The following CLEC16A variants were observed in gnomAD, a reference collection of about 807,000 sequenced individuals.
CLEC16A encodes the protein protein CLEC16A.
Under a neutral mutation model 109.5 loss-of-function variants are expected in CLEC16A, and 51 were observed. That is an observed-to-expected ratio of 0.47 (90% CI 0.37 to 0.59). The LOEUF is 0.59. Ranked by LOEUF, CLEC16A falls within the 20% of genes least tolerant of loss-of-function variation. The probability of loss-of-function intolerance (pLI) is 0.00; values close to 1 mark genes in which losing one functional copy is unlikely to be tolerated. For missense variants in CLEC16A, 1,339 were observed against 1,394.0 expected, an observed-to-expected ratio of 0.96 and a Z score of 0.63; for synonymous variants, 673 against 564.2, an observed-to-expected ratio of 1.19 and a Z score of -2.73.
chr16:11,164,202 A>G (rs2054824382), intron 22 of CLEC16A, among the ~76,000 whole-genome samples: 1 of 152,044 alleles, frequency 6.6e-6, no homozygotes, highest in Admixed American at 6.6e-5. Context: ...AATACCCTCC[A>G]CGCAAGAGGA....
chr16:11,131,794 C>T (rs954445040), intron 22 of CLEC16A, among the ~76,000 whole-genome samples: 2 of 152,208 alleles, frequency 1.3e-5, no homozygotes, highest in African/African-American at 4.8e-5. Flanking sequence ...CTGGCCCCTG[C>T]CCTCTTCTGG....
In CLEC16A at chr16:11,079,120, C is replaced by A. The variant is rs551108489; in HGVS notation, c.2116+18098C>A. Among the ~76,000 whole-genome samples, 6 of 152,324 alleles carry A rather than the reference C, an allele frequency of 3.9e-5. No homozygotes were observed. In the East Asian group the frequency reaches 1.2e-3, roughly 29 times the overall value. ...TGCTCAGAAGGTAGCTGAACCCATT[C>A]TGTGCTTGGCCTTGTGTATAATCAC... On this transcript the variant is annotated intron_variant, in intron 19 of 23. Transcript: ENST00000409790.
At chr16:10,997,966 G>C (rs2044427493) in intron 10 of CLEC16A, among the ~76,000 whole-genome samples, 1 of 152,210 alleles carries the variant, frequency 6.6e-6, no homozygotes, top group African/African-American at 2.4e-5. Flanking sequence ...GAACATGTTT[G>C]TTTGACATCT....
chr16:11,016,344 CTTTTTTTTTCT>C (rs1012572199), intron 11 of CLEC16A, among the ~76,000 whole-genome samples: 17 of 109,054 alleles, frequency 1.6e-4, no homozygotes, highest in African/African-American at 2.7e-4. Flanking sequence ...TCTTTTTTTT[CTTTTTTTTTCT>C]TTTTTTTTTT....
At chr16:11,033,417 C>T (rs971113074) in intron 13 of CLEC16A, among the ~76,000 whole-genome samples, 6 of 152,106 alleles carry the variant, frequency 3.9e-5, no homozygotes, top group Admixed American at 6.5e-5. Context: ...GGAGAAGAAA[C>T]GGAAAAGTTC....
chr16:11,149,641 T>C (rs753450464), intron 22 of CLEC16A, among the ~76,000 whole-genome samples: 1 of 151,928 alleles, frequency 6.6e-6, no homozygotes, highest in Non-Finnish European at 1.5e-5. Flanking sequence ...AAAATATAAA[T>C]AGCTGGGCAT....
chr16:11,156,615 C>A, intron 22 of CLEC16A: 1 of 1,304,310 alleles, frequency 7.7e-7, no homozygotes, highest in South Asian at 1.2e-5. Flanking sequence ...CAGATGGCCG[C>A]TCCCAAGCTT....
chr16:10,962,443 TTC>T lies in CLEC16A; in HGVS notation c.210-7_210-6del. 6.2e-7 allele frequency: 1 copy of T among 1,613,782 alleles called. No individual in the cohort carries two copies. Among genetic ancestry groups the T allele is most frequent in the Non-Finnish European group, 8.5e-7 (1 of 1,179,764 alleles). ...GAAGCAAGCCACTGATGCTTTTCCA[TTC>T]TCTCCCCAGCTTCTTCCTGGAGAAG... On this transcript the variant is annotated splice_polypyrimidine_tract_variant and intron_variant, in intron 2 of 23. Coordinates refer to ENST00000409790, the MANE Select transcript of CLEC16A (RefSeq NM_015226.3).
At chr16:10,944,840 GGGGACGGGGCGCCGAGCTCC>G in intron 1 of CLEC16A, 43 bp downstream of exon 1, 1 of 1,524,142 alleles carries the variant, frequency 6.6e-7, no homozygotes, top group Non-Finnish European at 9.0e-7. Flanking sequence ...GGCTGGACAG[GGGGACGGGGCGCCGAGCTCC>G]GGGTCGGGGC....
chr16:11,094,447 C>T (rs1320739113), intron 19 of CLEC16A, among the ~76,000 whole-genome samples: 1 of 152,228 alleles, frequency 6.6e-6, no homozygotes, highest in Non-Finnish European at 1.5e-5. Context: ...GCTCTTGTGG[C>T]TTAACGGGCC....
intron 13 of CLEC16A, among the ~76,000 whole-genome samples, chr16:11,035,151 G>A (rs776623225): frequency 5.9e-5 from 9 of 152,170 alleles, no homozygotes; most frequent in Admixed American, 1.3e-4. Context: ...AAACAAAAAT[G>A]AGAATAAGTT....
intron 19 of CLEC16A, among the ~76,000 whole-genome samples, chr16:11,090,219 C>T (rs1293875943): frequency 6.6e-6 from 1 of 152,132 alleles, no homozygotes; most frequent in Non-Finnish European, 1.5e-5. Flanking sequence ...AGCTGTCAGA[C>T]ATTCACTTTT....
intron 19 of CLEC16A, among the ~76,000 whole-genome samples, chr16:11,115,057 T>C (rs1348898430): frequency 6.6e-6 from 1 of 152,124 alleles, no homozygotes; most frequent in East Asian, 1.9e-4. Context: ...GTGGTGGAGG[T>C]GGCAGGTCTT....
intron 19 of CLEC16A, among the ~76,000 whole-genome samples, chr16:11,085,746 C>T (rs985459590): frequency 2.0e-5 from 3 of 152,202 alleles, no homozygotes; most frequent in Non-Finnish European, 2.9e-5. Flanking sequence ...TGTGCGCCAC[C>T]ACACCCAGCT....
chr16:10,967,579 G>T (rs13330160), intron 3 of CLEC16A, among the ~76,000 whole-genome samples: 10,054 of 152,084 alleles, frequency 0.066, 1,161 homozygotes, highest in African/African-American at 0.23. Context: ...ATAATAATAA[G>T]AAGAATGGCA....
chr16:11,043,503 A>G (rs759347161), intron 15 of CLEC16A, among the ~76,000 whole-genome samples: 4 of 152,118 alleles, frequency 2.6e-5, no homozygotes, highest in Non-Finnish European at 5.9e-5. Flanking sequence ...TGCCATTACA[A>G]TCGAATTACC....
chr16:10,979,484 TC>T (rs779754051), intron 9 of CLEC16A, 102 bp downstream of exon 9: 20 of 1,008,590 alleles, frequency 2.0e-5, no homozygotes, highest in South Asian at 2.8e-5. Context: ...ATCTTCTCTG[TC>T]CCCCCCATGC....
intron 18 of CLEC16A, among the ~76,000 whole-genome samples, chr16:11,057,339 C>T (rs1164124067): frequency 6.6e-6 from 1 of 152,258 alleles, no homozygotes; most frequent in African/African-American, 2.4e-5. Flanking sequence ...TCCAGGCCAG[C>T]TCGTGGGCTC....
chr16:11,123,999 C>A, intron 21 of CLEC16A, 53 bp downstream of exon 21: 1 of 1,507,162 alleles, frequency 6.6e-7, no homozygotes, highest in Non-Finnish European at 9.0e-7. Context: ...TGGGTCAGGG[C>A]TGTTTGTAGT....
Sources: gnomAD v4.1 joint callset for allele counts (sites outside exome capture counted in the v4.1 genomes callset) on GRCh38, gnomAD v4.1.1 for gene constraint, MANE v1.5 for transcripts, NCBI Gene and HGNC (gene_info 2026-07-23, HGNC 2026-07-21) for gene names.